The following VWDE variants were observed in gnomAD, a reference collection of about 807,000 sequenced individuals.
VWDE encodes von Willebrand factor D and EGF domain-containing protein.
Under a neutral mutation model 178.4 loss-of-function variants are expected in VWDE, and 207 were observed. That is an observed-to-expected ratio of 1.16 (90% CI 1.04 to 1.30). The LOEUF is 1.30. Among genes scored for constraint, VWDE ranks in the 50% most tolerant of loss-of-function variants. VWDE has a pLI of 0.00. For synonymous variants in VWDE, 738 were observed against 651.4 expected (o/e 1.13, Z -2.02); for missense variants, 2,287 against 1,901.3 (o/e 1.20, Z -3.77).
intron 1 of VWDE, 120 bp downstream of exon 1, chr7:12,403,539 G>T (rs1785010919): frequency 1.5e-5 from 14 of 925,858 alleles, no homozygotes; most frequent in Non-Finnish European, 2.2e-5. Flanking sequence ...AACAAACATC[G>T]CTTGCTGCCT....
chr7:12,399,157 T>G (rs1784761719), intron 1 of VWDE, among the ~76,000 whole-genome samples: 2 of 152,164 alleles, frequency 1.3e-5, no homozygotes, highest in African/African-American at 4.8e-5. Flanking sequence ...CACTTTACAT[T>G]GGCTTTCTTT....
chr7:12,342,894 C>T (rs1038091978), intron 22 of VWDE, among the ~76,000 whole-genome samples, 189 bp downstream of exon 22: 10 of 150,884 alleles, frequency 6.6e-5, no homozygotes, highest in Non-Finnish European at 1.3e-4. Context: ...CATGTGATCC[C>T]ATTGTTCAAT....
At chr7:12,394,029 A>C (rs1784513713) in intron 1 of VWDE, among the ~76,000 whole-genome samples, 1 of 152,164 alleles carries the variant, frequency 6.6e-6, no homozygotes, top group Non-Finnish European at 1.5e-5. Context: ...AAGCTTTAAG[A>C]ACTTTATTTT....
At chr7:12,373,268 T>G (rs542956089) in intron 9 of VWDE, 21 bp from the exon 10 acceptor site, 1 of 1,545,976 alleles carries the variant, frequency 6.5e-7, no homozygotes, top group South Asian at 1.2e-5. Context: ...CAAAAGGCAA[T>G]TGCATTAAAA....
intron 23 of VWDE, among the ~76,000 whole-genome samples, chr7:12,341,750 C>G (rs574408837): frequency 5.9e-5 from 9 of 152,172 alleles, no homozygotes; most frequent in African/African-American, 1.7e-4. Context: ...CGATGAAAAA[C>G]TTAAAAGAAA....
chr7:12,336,902 A>C, intron 26 of VWDE, 86 bp downstream of exon 26: 1 of 1,301,984 alleles, frequency 7.7e-7, no homozygotes, highest in Non-Finnish European at 1.0e-6. Flanking sequence ...AAGCAAACAA[A>C]AGTGAAAAAA....
In VWDE at chr7:12,370,052, G is replaced by C; in HGVS notation, c.2254C>G (p.Arg752Gly). Residue 752 changes from arginine (R) to glycine (G), a missense_variant, in exon 12 of 29, where the codon CGG becomes GGG. By Grantham distance (125) the Arg-to-Gly change is moderately radical. Transcript: ENST00000275358. ...MRYNRQNRWK[R>G]QNFHEFPPLF... Reference sequence around the variant, plus strand: ...GGAGGAAACTCATGAAAGTTCTGCCGTTTCCATCTGTTTTGTCGATTGTAC... The same window carrying C: ...GGAGGAAACTCATGAAAGTTCTGCCCTTTCCATCTGTTTTGTCGATTGTAC... The C allele has an allele frequency of 6.4e-7, 1 of 1,551,456 alleles. No homozygotes were observed. Among genetic ancestry groups the C allele is most frequent in the Non-Finnish European group, 8.7e-7 (1 of 1,146,878 alleles).
intron 28 of VWDE, 49 bp downstream of exon 28, chr7:12,333,416 T>G (rs1263602753): frequency 1.7e-6 from 2 of 1,164,318 alleles, no homozygotes; most frequent in Non-Finnish European, 1.2e-6. Context: ...AGAAGAGATA[T>G]GCAAATGTCA....
At chr7:12,400,787 A>G (rs906769685) in intron 1 of VWDE, among the ~76,000 whole-genome samples, 12 of 152,266 alleles carry the variant, frequency 7.9e-5, no homozygotes, top group Non-Finnish European at 1.6e-4. Context: ...ATAAACCAAT[A>G]CATCTCTGGA....
At chr7:12,398,768 T>A (rs847999) in intron 1 of VWDE, among the ~76,000 whole-genome samples, 151 of 151,904 alleles carry the variant, frequency 9.9e-4, no homozygotes, top group African/African-American at 3.5e-3. Context: ...CGGAGGCCAT[T>A]ATCCTAAACA....
In VWDE at chr7:12,331,040, A is replaced by C. The variant is rs553746309; in HGVS notation, c.*143T>G. ...TTTCTCTATGATTACAACAGAGATC[A>C]TTATGTATTTTATTAGTTTCTTCAG... On this transcript the variant is annotated 3_prime_UTR_variant, in exon 29 of 29. Coordinates refer to ENST00000275358, the MANE Select transcript of VWDE (RefSeq NM_001135924.3). 10 of 618,198 alleles carry C rather than the reference A, an allele frequency of 1.6e-5. No homozygotes were observed. The South Asian group carries it at 2.3e-4, about 14-fold the overall frequency. 38.3% of individuals were successfully genotyped at this position (618,198 alleles called of 1,614,324 possible).
intron 12 of VWDE, among the ~76,000 whole-genome samples, chr7:12,368,685 A>G (rs1782992526): frequency 6.6e-6 from 1 of 152,186 alleles, no homozygotes; most frequent in Admixed American, 6.6e-5. Flanking sequence ...ATATAAACAC[A>G]GGAGCAATAT....
chr7:12,401,758 G>C (rs1583366899), intron 1 of VWDE, among the ~76,000 whole-genome samples: 1 of 152,084 alleles, frequency 6.6e-6, no homozygotes, highest in African/African-American at 2.4e-5. Flanking sequence ...TAATCACAGA[G>C]TTACCCTATG....
intron 19 of VWDE, among the ~76,000 whole-genome samples, chr7:12,344,948 A>G (rs1431031821): frequency 6.6e-6 from 1 of 152,026 alleles, no homozygotes; most frequent in African/African-American, 2.4e-5. Context: ...TGTTAATCAG[A>G]TCTATATTGA....
rs1781092909 is a variant in VWDE, at chr7:12,337,243, C to CA, written c.4395dup (p.Gly1466TrpfsTer7). On this transcript the variant is annotated frameshift_variant, in exon 25 of 29. Transcript: ENST00000275358. LOFTEE classifies it high-confidence loss of function. ...CACACATTATTTCTCATGCAGTGGC[C>CA]ACCATTCTTACAGGGAGGGTGACAG... The CA allele has an allele frequency of 6.4e-7, 1 of 1,551,918 alleles. No individual in the cohort carries two copies. The highest frequency in any genetic ancestry group is 2.4e-5 in the East Asian group (1 of 40,916).
rs1410417959 is a variant in VWDE, at chr7:12,331,174, T to C, written c.*9A>G. On this transcript the variant is annotated 3_prime_UTR_variant, in exon 29 of 29. Transcript: ENST00000275358. ...GATACAGGCTTGTAATTCATATACT[T>C]GATGCTACTCAATGGCGTCTTATCT... 1.9e-6 allele frequency: 3 copies of C among 1,541,112 alleles called. No individual in the cohort carries two copies. Among genetic ancestry groups the C allele is most frequent in the Admixed American group, 4.0e-5 (2 of 50,358 alleles).
Position 12,330,962 on chromosome 7 carries a change from T to C in VWDE, c.*221A>G. 1 of 468,858 alleles carries C rather than the reference T, an allele frequency of 2.1e-6. No individual in the cohort carries two copies. The highest frequency in any genetic ancestry group is 4.0e-5 in the Admixed American group (1 of 25,208). The allele number at this position is 468,858 out of a possible 1,614,324, so 29.0% of individuals were successfully genotyped here. ...CAGATACATCATCTCAATATGTAAATATCCTATCCCATCTCAACATCAAAT... is the reference window on the plus strand; with the variant it reads ...CAGATACATCATCTCAATATGTAAACATCCTATCCCATCTCAACATCAAAT... On this transcript the variant is annotated 3_prime_UTR_variant, in exon 29 of 29. Transcript: ENST00000275358.
Position 12,377,764 on chromosome 7 carries a change from T to C in VWDE, c.1024+12A>G. 1 of 1,413,158 alleles carries C rather than the reference T, an allele frequency of 7.1e-7. No individual in the cohort carries two copies. Among genetic ancestry groups the C allele is most frequent in the Non-Finnish European group, 9.4e-7 (1 of 1,063,862 alleles). The allele number at this position is 1,413,158 out of a possible 1,614,324, so 87.5% of individuals were successfully genotyped here. ...AATCTAATAATAAGATAAAATAAAGTTAGTATATTACCTTGACCAATAGTT... is the reference window on the plus strand; with the variant it reads ...AATCTAATAATAAGATAAAATAAAGCTAGTATATTACCTTGACCAATAGTT... On this transcript the variant is annotated intron_variant, in intron 7 of 28. Coordinates refer to ENST00000275358, the MANE Select transcript of VWDE (RefSeq NM_001135924.3).
intron 1 of VWDE, among the ~76,000 whole-genome samples, chr7:12,401,927 T>C (rs149623098): frequency 1.3e-5 from 2 of 152,252 alleles, no homozygotes; most frequent in South Asian, 2.1e-4. Context: ...ATACAAAATA[T>C]AGTATATCCA....
Sources: allele counts gnomAD v4.1 joint callset (sites outside exome capture counted in the v4.1 genomes callset), GRCh38; gene constraint gnomAD v4.1.1; transcripts MANE v1.5; gene names NCBI Gene and HGNC (gene_info 2026-07-23, HGNC 2026-07-21).